The following WDR25 variants were observed in gnomAD, a reference collection of about 807,000 sequenced individuals.
WDR25 encodes WD repeat-containing protein 25.
A neutral mutation model predicts 47.7 loss-of-function variants in WDR25; 35 were observed. The ratio of observed to expected loss-of-function variants is 0.73; its 90% CI spans 0.56 to 0.97. The LOEUF (loss-of-function observed/expected upper bound fraction) is 0.97. Among genes scored for constraint, WDR25 ranks in the 50% least tolerant of loss-of-function variants. The pLI is 0.00. For synonymous variants in WDR25, 248 were observed against 278.9 expected, an observed-to-expected ratio of 0.89 and a Z score of 1.10; for missense variants, 634 against 704.7, an observed-to-expected ratio of 0.90 and a Z score of 1.14.
chr14:100,471,836 A>C (rs1255283878), intron 3 of WDR25, among the ~76,000 whole-genome samples: 1 of 152,252 alleles, frequency 6.6e-6, no homozygotes, highest in African/African-American at 2.4e-5. Context: ...TAGAACAACC[A>C]TGAATCAACA....
rs537769057 is a variant in WDR25, at chr14:100,449,790, C to T, written c.823-18231C>T. ...CACTTGTAGAGGTGGCACCATCATG[C>T]GGTCATAGGATGAGACGTCCCAGGT... On this transcript the variant is annotated intron_variant, in intron 2 of 6. Coordinates refer to ENST00000402312, the MANE Select transcript of WDR25 (RefSeq NM_001161476.3). The surrounding 1 kb of genome is among the most constrained non-coding windows in gnomAD (Gnocchi z 4.2). Among the ~76,000 whole-genome samples, 194 of 152,272 alleles carry T rather than the reference C, an allele frequency of 1.3e-3. 2 individuals carry two copies. The highest frequency in any genetic ancestry group is 4.3e-3 in the African/African-American group (178 of 41,556).
intron 4 of WDR25, among the ~76,000 whole-genome samples, chr14:100,519,925 C>G (rs1158838350): frequency 7.3e-6 from 1 of 136,420 alleles, no homozygotes; most frequent in Non-Finnish European, 1.5e-5. Flanking sequence ...AGTATATATA[C>G]TATATATACA....
intron 3 of WDR25, chr14:100,481,382 A>G: frequency 1.1e-6 from 1 of 886,950 alleles, no homozygotes. Flanking sequence ...TAGTAGCTCT[A>G]GAAACATTTT....
rs1897157589 is a variant in WDR25, at chr14:100,392,047, TAG to T, written c.822+10304_822+10305del. 6.6e-6 allele frequency among the ~76,000 whole-genome samples: 1 copy of T among 152,190 alleles called. No individual in the cohort carries two copies. Among genetic ancestry groups the T allele is most frequent in the Non-Finnish European group, 1.5e-5 (1 of 68,028 alleles). On this transcript the variant is annotated intron_variant, in intron 2 of 6. Transcript: ENST00000402312. The surrounding 1 kb of genome is among the most constrained non-coding windows in gnomAD (Gnocchi z 4.2). ...ACTAATTTTTCTTGGTCTTGGAAAA[TAG>T]AGTTATTTTTATAAGAATGTGCTAT...
At chr14:100,505,971 A>G (rs189491446) in intron 4 of WDR25, among the ~76,000 whole-genome samples, 3 of 152,308 alleles carry the variant, frequency 2.0e-5, no homozygotes, top group Admixed American at 6.5e-5. Context: ...TTACCTGGGT[A>G]TAATGCGTGA....
At chr14:100,397,656 G>A (rs1472723408) in intron 2 of WDR25, among the ~76,000 whole-genome samples, 1 of 152,180 alleles carries the variant, frequency 6.6e-6, no homozygotes, top group East Asian at 1.9e-4. Flanking sequence ...AGTCACAGGA[G>A]TCCTAGAGGA....
intron 2 of WDR25, among the ~76,000 whole-genome samples, chr14:100,403,652 A>G (rs1315912989): frequency 1.3e-5 from 2 of 152,234 alleles, no homozygotes; most frequent in African/African-American, 4.8e-5. Context: ...AATATGTATC[A>G]TTTGGCAATG....
chr14:100,480,283 T>C (rs1247051386), intron 3 of WDR25, among the ~76,000 whole-genome samples: 3 of 152,222 alleles, frequency 2.0e-5, no homozygotes, highest in South Asian at 4.1e-4. Context: ...CTTGACAACA[T>C]TGTGCTGACA....
At chr14:100,508,223 T>C (rs1901181963) in intron 4 of WDR25, among the ~76,000 whole-genome samples, 1 of 152,100 alleles carries the variant, frequency 6.6e-6, no homozygotes, top group African/African-American at 2.4e-5. Context: ...AAATCCAACA[T>C]CCTTTCGTGA....
intron 2 of WDR25, among the ~76,000 whole-genome samples, chr14:100,462,636 C>T (rs896885935): frequency 1.3e-5 from 2 of 152,212 alleles, no homozygotes; most frequent in Non-Finnish European, 2.9e-5. Context: ...GATCTCCTTA[C>T]ATGTTTCCGT....
At chr14:100,398,068 C>T (rs936546821) in intron 2 of WDR25, among the ~76,000 whole-genome samples, 1 of 152,224 alleles carries the variant, frequency 6.6e-6, no homozygotes, top group African/African-American at 2.4e-5. Flanking sequence ...CAACTCCTTA[C>T]CTCAAGTGAT....
intron 2 of WDR25, among the ~76,000 whole-genome samples, chr14:100,458,114 G>C (rs1899263562): frequency 6.6e-6 from 1 of 152,108 alleles, no homozygotes; most frequent in South Asian, 2.1e-4. Flanking sequence ...AGATTGTTAG[G>C]TTGGATAAAA....
rs984609143 is a variant in WDR25 at position 100,449,158 on chromosome 14, C to T, written c.823-18863C>T. On this transcript the variant is annotated intron_variant, in intron 2 of 6. Transcript: ENST00000402312. This position sits in a 1 kb window ranked among gnomAD's most constrained non-coding sequence, Gnocchi z 4.2. ...GATAAGGCCTTATGGCTAGAAGGCTCGGAGAGCATCCTTTACTGGGCTTCT... is the reference window on the plus strand; with the variant it reads ...GATAAGGCCTTATGGCTAGAAGGCTTGGAGAGCATCCTTTACTGGGCTTCT... 5.9e-5 allele frequency among the ~76,000 whole-genome samples: 9 copies of T among 152,150 alleles called. No individual in the cohort carries two copies. The highest frequency in any genetic ancestry group is 2.6e-4 in the Admixed American group (4 of 15,286).
chr14:100,492,427 T>C (rs1185404313), intron 4 of WDR25, among the ~76,000 whole-genome samples: 1 of 152,210 alleles, frequency 6.6e-6, no homozygotes, highest in East Asian at 1.9e-4. Context: ...TGGATGACAG[T>C]GGGAGGCCCA....
chr14:100,480,207 T>C (rs1900153072), intron 3 of WDR25, among the ~76,000 whole-genome samples: 1 of 152,236 alleles, frequency 6.6e-6, no homozygotes, highest in South Asian at 2.1e-4. Context: ...CCCCTCAGGC[T>C]GGACCGTTAG....
intron 2 of WDR25, chr14:100,382,115 C>T: frequency 1.4e-6 from 1 of 702,958 alleles, no homozygotes; most frequent in Admixed American, 2.0e-5. Context: ...CAGCTCTGTG[C>T]CTGGTGCTGT....
intron 2 of WDR25, among the ~76,000 whole-genome samples, chr14:100,450,260 A>G (rs1349489297): frequency 6.6e-6 from 1 of 152,120 alleles, no homozygotes; most frequent in Non-Finnish European, 1.5e-5. Context: ...ACTGGCCGCC[A>G]GTCCCCCAGG....
At chr14:100,403,417 T>A (rs1345824396) in intron 2 of WDR25, among the ~76,000 whole-genome samples, 2 of 152,240 alleles carry the variant, frequency 1.3e-5, no homozygotes, top group Non-Finnish European at 2.9e-5. Context: ...TTGGGATCGT[T>A]GGGACTCCTG....
Position 100,529,031 on chromosome 14 carries a change from G to A in WDR25, c.1273-37G>A, listed in dbSNP as rs757415187. 2.0e-6 allele frequency: 3 copies of A among 1,506,124 alleles called. No homozygotes were observed. The highest frequency in any genetic ancestry group is 4.7e-5 in the East Asian group (2 of 42,954). 93.3% of individuals were successfully genotyped at this position (1,506,124 alleles called of 1,614,324 possible). The stretch of plus-strand genomic sequence containing the variant: ...CAGAGCAGAGTGCCAGGTTGGGGGT[G>A]TCTTCTCTGACCCATTTGTGGCTCT... On this transcript the variant is annotated intron_variant, in intron 5 of 6. Coordinates refer to ENST00000402312, the MANE Select transcript of WDR25 (RefSeq NM_001161476.3). This position sits in a 1 kb window ranked among gnomAD's most constrained non-coding sequence, Gnocchi z 5.1.
Sources: gnomAD v4.1 joint callset for allele counts (sites outside exome capture counted in the v4.1 genomes callset) on GRCh38, gnomAD v4.1.1 for gene constraint, Gnocchi (gnomAD v3.1) non-coding constraint, MANE v1.5 for transcripts, NCBI Gene and HGNC (gene_info 2026-07-23, HGNC 2026-07-21) for gene names.